SLC13A4: variants seen among roughly 807,000 people sequenced by gnomAD.
The protein encoded by SLC13A4 is Na(+)/sulfate cotransporter SUT-1.
Under a neutral mutation model 72.7 loss-of-function variants are expected in SLC13A4, and 28 were observed. The observed-to-expected ratio is 0.39, with a 90% CI of 0.29 to 0.53. SLC13A4 has a LOEUF of 0.53. Ranked by LOEUF, SLC13A4 falls within the 20% of genes least tolerant of loss-of-function variation. The pLI, the probability that SLC13A4 is intolerant of heterozygous loss-of-function variation, is 0.78. For synonymous variants in SLC13A4, 312 were observed against 325.5 expected (o/e 0.96, Z 0.45); for missense variants, 653 against 788.0 (o/e 0.83, Z 2.05).
chr7:135,692,190 C>T, intron 11 of SLC13A4, 133 bp downstream of exon 11: 1 of 727,634 alleles, frequency 1.4e-6, no homozygotes, highest in Non-Finnish European at 2.4e-6. Flanking sequence ...ACACTGCAGC[C>T]TCCCTAAAAA....
intron 2 of SLC13A4, among the ~76,000 whole-genome samples, chr7:135,710,724 C>T (rs1796281842): frequency 6.6e-6 from 1 of 152,220 alleles, no homozygotes; most frequent in Admixed American, 6.5e-5. Context: ...GCTGCTCCAT[C>T]TCTCCTTTCT....
chr7:135,693,874 G>A (rs2129494149), intron 10 of SLC13A4, among the ~76,000 whole-genome samples: 1 of 152,278 alleles, frequency 6.6e-6, no homozygotes, highest in East Asian at 1.9e-4. Context: ...CCCTTCTTCT[G>A]CCTCTGTCTG....
At chr7:135,705,675 A>G (rs1796144202) in intron 4 of SLC13A4, 25 bp from the exon 5 acceptor site, 1 of 1,610,520 alleles carries the variant, frequency 6.2e-7, no homozygotes, top group South Asian at 1.1e-5. Flanking sequence ...GAAAAGCAGT[A>G]TGTGAGAGGT....
chr7:135,714,213 C>A (rs1452495221), intron 2 of SLC13A4, among the ~76,000 whole-genome samples: 1 of 152,208 alleles, frequency 6.6e-6, no homozygotes, highest in Admixed American at 6.5e-5. Context: ...CTTTGCAAAT[C>A]CTGCCCTAGA....
chr7:135,710,965 T>A (rs1299752426), intron 2 of SLC13A4, among the ~76,000 whole-genome samples: 2 of 27,906 alleles, frequency 7.2e-5, no homozygotes, highest in African/African-American at 3.0e-4. Flanking sequence ...GAGTCCACTC[T>A]GAGAGGGCGG....
At chr7:135,686,715 G>A (rs910062050) in intron 13 of SLC13A4, among the ~76,000 whole-genome samples, 18 of 152,224 alleles carry the variant, frequency 1.2e-4, no homozygotes, top group South Asian at 6.2e-4. Context: ...CATATTGACC[G>A]TCCTGAATTT....
chr7:135,727,072 A>G (rs1796677308), intron 1 of SLC13A4, among the ~76,000 whole-genome samples: 1 of 152,188 alleles, frequency 6.6e-6, no homozygotes, highest in Admixed American at 6.5e-5. Context: ...TGTCGTTTGC[A>G]TGGGTGTCGC....
chr7:135,705,743 G>A, intron 4 of SLC13A4, 93 bp from the exon 5 acceptor site: 1 of 1,059,216 alleles, frequency 9.4e-7, no homozygotes, highest in Non-Finnish European at 1.5e-6. Context: ...GGGCGGAGGT[G>A]GGCCATATGG....
chr7:135,725,811 A>T (rs957859058), intron 1 of SLC13A4, among the ~76,000 whole-genome samples: 2 of 151,140 alleles, frequency 1.3e-5, no homozygotes, highest in East Asian at 1.9e-4. Flanking sequence ...AAATTTTTTT[A>T]AAAATTAGCT....
rs1424165933 is a variant in SLC13A4 at position 135,706,312 on chromosome 7, G to A, written c.366-12C>T. The A allele has an allele frequency of 2.5e-6, 4 of 1,595,914 alleles. No homozygotes were observed. The Admixed American group carries it at 6.7e-5, about 27-fold the overall frequency. On this transcript the variant is annotated splice_polypyrimidine_tract_variant and intron_variant, in intron 3 of 15. Coordinates refer to ENST00000682651, the MANE Select transcript of SLC13A4 (RefSeq NM_001318192.2). ...AGCAGAGCAGCAGCCTGGAAGGCAG[G>A]GAGGGTTGGGGCAGAGCGTCCACGG...
At chr7:135,727,327 C>T (rs912839044) in intron 1 of SLC13A4, 71 bp downstream of exon 1, 4 of 1,520,024 alleles carry the variant, frequency 2.6e-6, no homozygotes, top group African/African-American at 2.8e-5. Flanking sequence ...GCCCCATGTT[C>T]CCCTACCGAC....
At chr7:135,722,287 C>T (rs1218962221) in intron 1 of SLC13A4, among the ~76,000 whole-genome samples, 2 of 151,754 alleles carry the variant, frequency 1.3e-5, no homozygotes, top group South Asian at 2.1e-4. Flanking sequence ...AAAAACAGTT[C>T]GTTCACATGT....
intron 2 of SLC13A4, among the ~76,000 whole-genome samples, chr7:135,718,094 C>CGCGCACGCGT (rs1554479767): frequency 3.3e-4 from 50 of 151,476 alleles, no homozygotes; most frequent in African/African-American, 1.2e-3. Context: ...CACACGCGCG[C>CGCGCACGCGT]GCGCGCACGC....
chr7:135,715,141 ATGTG>A (rs959990585), intron 2 of SLC13A4, among the ~76,000 whole-genome samples: 20 of 150,506 alleles, frequency 1.3e-4, no homozygotes, highest in East Asian at 7.8e-4. Flanking sequence ...GTGTGTGAGA[ATGTG>A]TGTATGAGTG....
intron 1 of SLC13A4, among the ~76,000 whole-genome samples, chr7:135,726,912 G>A (rs1400598294): frequency 6.6e-6 from 1 of 152,208 alleles, no homozygotes; most frequent in African/African-American, 2.4e-5. Context: ...AGCCCACCAG[G>A]ACACGACCAC....
At position 135,689,638 on chromosome 7, in the gene SLC13A4, C is replaced by T. The variant is rs112357198; in HGVS notation, c.1446+1563G>A. Among the ~76,000 whole-genome samples the T allele has an allele frequency of 4.7e-3, 716 of 152,084 alleles. 8 individuals carry two copies. The highest frequency in any genetic ancestry group is 8.3e-3 in the South Asian group (40 of 4,810). On this transcript the variant is annotated intron_variant, in intron 13 of 15. Coordinates refer to ENST00000682651, the MANE Select transcript of SLC13A4 (RefSeq NM_001318192.2). ...AATAATTATTATCTAGGAGAGGGTC[C>T]CAGAGAACAGAGCTAGAGCCAACAG...
chr7:135,699,259 G>T, intron 8 of SLC13A4, 105 bp downstream of exon 8: 1 of 1,165,664 alleles, frequency 8.6e-7, no homozygotes. Context: ...CTCTTTCTAC[G>T]GAAACTCTTC....
intron 3 of SLC13A4, 54 bp downstream of exon 3, chr7:135,708,060 C>A: frequency 6.3e-7 from 1 of 1,586,410 alleles, no homozygotes; most frequent in Non-Finnish European, 8.6e-7. Flanking sequence ...GTCCTGGTGG[C>A]ACACTGGGAG....
chr7:135,706,173 G>C lies in SLC13A4; in HGVS notation c.493C>G (p.Gln165Glu), dbSNP rs1176202870. ...LQELVSAEDE[Q>E]LVAGNSNTEE... is the part of the protein sequence containing the mutation. Reference sequence around the variant, plus strand: ...GTGTTGGAGTTGCCCGCCACGAGCTGCTCGTCCTCAGCACTGACCAGCTCC... The same window carrying C: ...GTGTTGGAGTTGCCCGCCACGAGCTCCTCGTCCTCAGCACTGACCAGCTCC... The change falls in exon 4 of 16, where the codon CAG becomes GAG. Residue 165 changes from glutamine to glutamate, a missense_variant. Coordinates refer to ENST00000682651, the MANE Select transcript of SLC13A4 (RefSeq NM_001318192.2). The C allele has an allele frequency of 7.5e-6, 12 of 1,610,570 alleles. No individual in the cohort carries two copies. The highest frequency in any genetic ancestry group is 9.3e-6 in the Non-Finnish European group (11 of 1,177,228).
Sources: allele counts gnomAD v4.1 joint callset (sites outside exome capture counted in the v4.1 genomes callset), GRCh38; gene constraint gnomAD v4.1.1; transcripts MANE v1.5; gene names NCBI Gene and HGNC (gene_info 2026-07-23, HGNC 2026-07-21).